The following EPHX1 variants were observed in gnomAD, a reference collection of about 807,000 sequenced individuals.
EPHX1 encodes epoxide hydratase.
EPHX1 carries 40 observed loss-of-function variants against 43.2 expected under a neutral mutation model. The ratio of observed to expected loss-of-function variants is 0.93; its 90% CI spans 0.72 to 1.21. The LOEUF (loss-of-function observed/expected upper bound fraction) is 1.21, where lower values mean the gene tolerates loss of function less well. Among genes scored for constraint, EPHX1 ranks in the 50% most tolerant of loss-of-function variants. EPHX1 has a pLI of 0.00. For synonymous variants in EPHX1, 221 were observed against 226.7 expected (o/e 0.98, Z 0.22); for missense variants, 550 against 570.4 (o/e 0.96, Z 0.36).
At chr1:225,830,492 G>C (rs1667518463) in intron 2 of EPHX1, among the ~76,000 whole-genome samples, 1 of 152,112 alleles carries the variant, frequency 6.6e-6, no homozygotes, top group Non-Finnish European at 1.5e-5. Context: ...TGGAGACAGG[G>C]TCTTGCTCTG....
intron 6 of EPHX1, 67 bp downstream of exon 6, chr1:225,840,104 ACCTCAC>A: frequency 6.8e-7 from 1 of 1,479,866 alleles, no homozygotes; most frequent in Non-Finnish European, 9.4e-7. Context: ...CCGCGGGGTA[ACCTCAC>A]CACCCCACCC....
At position 225,839,366 on chromosome 1, in the gene EPHX1, G is replaced by GTGT. The variant is rs1553485988; in HGVS notation, c.722+20_722+21insTGT. The GTGT allele has an allele frequency of 1.2e-4, 185 of 1,560,806 alleles. 1 individual carries two copies. In the African/African-American group the frequency reaches 1.9e-3, roughly 16 times the overall value. On this transcript the variant is annotated intron_variant, in intron 5 of 8. Coordinates refer to ENST00000272167, the MANE Select transcript of EPHX1 (RefSeq NM_001136018.4). ...GCCCAGGTGAGGTCACTGTTGGGGT[G>GTGT]GTGTGTGTGTGTGTGTGTGTGTGTG...
Position 225,839,033 on chromosome 1 carries a change from C to T in EPHX1, c.592+152C>T, listed in dbSNP as rs1576026617. On this transcript the variant is annotated intron_variant, in intron 4 of 8. Transcript: ENST00000272167. ...CCTGAGAGGCCGGCCCCAGACACAC[C>T]GCCCTCCGGGGCTGGAGATGCCACC... 2.6e-5 allele frequency: 34 copies of T among 1,318,232 alleles called. No individual in the cohort carries two copies. The East Asian group carries it at 2.7e-4, about 10-fold the overall frequency. The allele number at this position is 1,318,232 out of a possible 1,614,324, so 81.7% of individuals were successfully genotyped here. A position where few individuals can be genotyped will look rare whatever the true frequency, so the allele number is the denominator to read the frequency against.
chr1:225,829,234 G>T (rs2102718179), intron 2 of EPHX1, among the ~76,000 whole-genome samples: 1 of 152,292 alleles, frequency 6.6e-6, no homozygotes, highest in Admixed American at 6.5e-5. Flanking sequence ...GAAGCCTTGG[G>T]AGTGAGGTTG....
Position 225,831,826 on chromosome 1 carries a change from G to A in EPHX1, c.231G>A (p.Glu77=), listed in dbSNP as rs55798709. The A allele has an allele frequency of 6.5e-4, 1,051 of 1,614,192 alleles. 13 individuals are homozygous for A. The East Asian group carries it at 0.019, about 30-fold the overall frequency. Residue 77 remains glutamate (E), a synonymous_variant, in exon 3 of 9, where the codon GAG becomes GAA. Coordinates refer to ENST00000272167, the MANE Select transcript of EPHX1 (RefSeq NM_001136018.4). ...IDKFRFTPPL[E]DSCFHYGFNS... is the part of the protein sequence containing the mutation. ...AGTTCCGTTTCACCCCACCTTTGGA[G>A]GACAGCTGCTTCCACTATGGCTTCA...
In EPHX1 at chr1:225,817,937, G is replaced by A. The variant is rs1480331995; in HGVS notation, c.-6+7768G>A. On this transcript the variant is annotated intron_variant, in intron 1 of 8. Transcript: ENST00000272167. This position sits in a 1 kb window ranked among gnomAD's most constrained non-coding sequence, Gnocchi z 5.7. ...TGCTTGCTTGGGTTGGGGGAGGGGA[G>A]TCTTTGGGCAGGCGGTAGACCTGCC... 2.6e-5 allele frequency among the ~76,000 whole-genome samples: 4 copies of A among 152,352 alleles called. No individual in the cohort carries two copies. Among genetic ancestry groups the A allele is most frequent in the East Asian group, 3.9e-4 (2 of 5,178 alleles).
rs1668173625 is a variant in EPHX1, at chr1:225,839,303, TG to T, written c.684del (p.Ser229ProfsTer2). ...FQEFYIQGGD[W>X]GSLICTNMAQ... The stretch of plus-strand genomic sequence containing the variant: ...GGAATTCTACATTCAAGGAGGGGAC[TG>T]GGGGTCCCTGATCTGCACTAATATG... On this transcript the variant is annotated frameshift_variant, in exon 5 of 9. Transcript: ENST00000272167. LOFTEE classifies it high-confidence loss of function. 6.2e-7 allele frequency: 1 copy of T among 1,613,844 alleles called. No homozygotes were observed. The highest frequency in any genetic ancestry group is 8.5e-7 in the Non-Finnish European group (1 of 1,180,014).
At chr1:225,811,256 A>G (rs549991327) in intron 1 of EPHX1, among the ~76,000 whole-genome samples, 10 of 152,208 alleles carry the variant, frequency 6.6e-5, no homozygotes, top group African/African-American at 2.2e-4. Context: ...GCGGCTCCCG[A>G]GATCTTGGAG....
intron 6 of EPHX1, among the ~76,000 whole-genome samples, chr1:225,841,473 G>A (rs561591159): frequency 6.6e-5 from 10 of 151,050 alleles, no homozygotes; most frequent in East Asian, 2.0e-4. Flanking sequence ...TAGTAGAGAC[G>A]GGGTTTTACC....
rs1401098015 is a variant in EPHX1 at position 225,817,674 on chromosome 1, C to A, written c.-6+7505C>A. On this transcript the variant is annotated intron_variant, in intron 1 of 8. Transcript: ENST00000272167. The surrounding 1 kb of genome is among the most constrained non-coding windows in gnomAD (Gnocchi z 5.7). The stretch of plus-strand genomic sequence containing the variant: ...AGTGGCAGACTTCCCCCAGGAGAAG[C>A]ACTGGCTTTTCACGCTGCTGTGAGT... Among the ~76,000 whole-genome samples the A allele has an allele frequency of 6.6e-6, 1 of 152,228 alleles. No individual in the cohort carries two copies. The highest frequency in any genetic ancestry group is 2.4e-5 in the African/African-American group (1 of 41,452).
At chr1:225,816,660 A>G (rs578200327) in intron 1 of EPHX1, among the ~76,000 whole-genome samples, 1 of 152,350 alleles carries the variant, frequency 6.6e-6, no homozygotes, top group South Asian at 2.1e-4. Flanking sequence ...GGATTTGGCC[A>G]GCCCACCCGC....
At chr1:225,815,094 G>A (rs1038847589) in intron 1 of EPHX1, among the ~76,000 whole-genome samples, 7 of 152,176 alleles carry the variant, frequency 4.6e-5, no homozygotes, top group Non-Finnish European at 8.8e-5. Context: ...CCCAGCAAAT[G>A]TAGCCACCAG....
rs565934749 is a variant in EPHX1 at position 225,833,967 on chromosome 1, A to G, written c.364+2008A>G. Reference sequence around the variant, plus strand: ...CAAAAAATTAGCCGGGCGTGGTGGCAGGCGCCTGTGGTCCCAGCTACTTGG... The same window carrying G: ...CAAAAAATTAGCCGGGCGTGGTGGCGGGCGCCTGTGGTCCCAGCTACTTGG... On this transcript the variant is annotated intron_variant, in intron 3 of 8. Transcript: ENST00000272167. Among the ~76,000 whole-genome samples the G allele has an allele frequency of 6.8e-3, 972 of 143,326 alleles. 10 individuals are homozygous for G. The highest frequency in any genetic ancestry group is 0.066 in the Middle Eastern group (16 of 244). The allele number at this position is 143,326 out of a possible 152,430, so 94.0% of individuals were successfully genotyped here.
Position 225,840,019 on chromosome 1 carries a change from A to G in EPHX1, c.913A>G (p.Thr305Ala). Residue 305 changes from threonine to alanine, a missense_variant, in exon 6 of 9, where the codon ACC becomes GCC. By Grantham distance (58) the Thr-to-Ala change is moderately conservative. Coordinates refer to ENST00000272167, the MANE Select transcript of EPHX1 (RefSeq NM_001136018.4). ...GAGCGGCTACATGCACATCCAGTGC[A>G]CCAAGCCTGACACCGTAGGTGAGTG... Reference protein sequence around the residue: ...RESGYMHIQCTKPDTVGSALN... With the variant: ...RESGYMHIQCAKPDTVGSALN... The G allele has an allele frequency of 6.2e-7, 1 of 1,614,118 alleles. No homozygotes were observed. The highest frequency in any genetic ancestry group is 2.2e-5 in the East Asian group (1 of 44,874).
At chr1:225,837,716 C>T (rs1270845339) in intron 3 of EPHX1, among the ~76,000 whole-genome samples, 2 of 152,042 alleles carry the variant, frequency 1.3e-5, no homozygotes, top group African/African-American at 2.4e-5. Context: ...GACGGGGTTT[C>T]ACCATGTTGG....
chr1:225,828,363 G>A (rs1376267977), intron 1 of EPHX1, among the ~76,000 whole-genome samples: 4 of 151,384 alleles, frequency 2.6e-5, no homozygotes, highest in Admixed American at 1.3e-4. Context: ...ACAACATGAG[G>A]CCTCAGAAAT....
intron 3 of EPHX1, among the ~76,000 whole-genome samples, chr1:225,835,787 A>G (rs1003774538): frequency 5.3e-5 from 8 of 151,414 alleles, no homozygotes; most frequent in Non-Finnish European, 7.4e-5. Context: ...GGCTCAAGCA[A>G]TTCTCCCACC....
At chr1:225,844,398 C>T (rs1440999579) in intron 7 of EPHX1, 100 bp from the exon 8 acceptor site, 31 of 1,588,954 alleles carry the variant, frequency 2.0e-5, no homozygotes, top group Admixed American at 6.7e-5. Context: ...GGAGGGAAGC[C>T]GCATGGGCAG....
intron 1 of EPHX1, among the ~76,000 whole-genome samples, chr1:225,819,317 C>A (rs1326977053): frequency 6.6e-6 from 1 of 151,122 alleles, no homozygotes; most frequent in African/African-American, 2.4e-5. Context: ...AGGCAGGAGA[C>A]TTGCTTGAAC....
Sources: gnomAD v4.1 joint callset for allele counts (sites outside exome capture counted in the v4.1 genomes callset) on GRCh38, gnomAD v4.1.1 for gene constraint, Gnocchi (gnomAD v3.1) non-coding constraint, MANE v1.5 for transcripts, NCBI Gene and HGNC (gene_info 2026-07-23, HGNC 2026-07-21) for gene names.